Variants in CSMD1 observed in about 807,000 individuals in gnomAD.
CSMD1 encodes the protein CUB and Sushi multiple domains 1.
In CSMD1, 213 loss-of-function variants were observed where a neutral mutation model predicts 417.5. The observed-to-expected ratio is 0.51, with a 90% CI of 0.46 to 0.57. The LOEUF (loss-of-function observed/expected upper bound fraction) is 0.57, where lower values mean the gene tolerates loss of function less well. Among genes scored for constraint, CSMD1 ranks in the 20% least tolerant of loss-of-function variants. The probability of loss-of-function intolerance (pLI) is 0.00; values close to 1 mark genes in which losing one functional copy is unlikely to be tolerated. For missense variants in CSMD1, 6,923 were observed against 4,529.7 expected, an observed-to-expected ratio of 1.53 and a Z score of -15.17; for synonymous variants, 2,862 against 1,736.8, an observed-to-expected ratio of 1.65 and a Z score of -16.11.
chr8:4,920,979 AAAC>A (rs1158226787), intron 1 of CSMD1, among the ~76,000 whole-genome samples: 9,596 of 17,706 alleles, frequency 0.54, 1,786 homozygotes, highest in South Asian at 0.61. Context: ...AGAAAGAAAG[AAAC>A]AAAGAAAGAA....
At chr8:3,727,187 T>C (rs924310242) in intron 6 of CSMD1, among the ~76,000 whole-genome samples, 2 of 152,264 alleles carry the variant, frequency 1.3e-5, no homozygotes, top group African/African-American at 4.8e-5. Context: ...GCAATGTGAA[T>C]GTTTAATTTT....
chr8:3,250,520 C>T (rs371719635), intron 26 of CSMD1, among the ~76,000 whole-genome samples: 123 of 152,280 alleles, frequency 8.1e-4, no homozygotes, highest in East Asian at 5.2e-3. Flanking sequence ...AATAAACATA[C>T]GTATGAATGG....
intron 3 of CSMD1, among the ~76,000 whole-genome samples, chr8:4,038,357 C>T (rs941706626): frequency 2.0e-5 from 3 of 152,002 alleles, no homozygotes; most frequent in African/African-American, 7.2e-5. Context: ...ACTAAAAAAT[C>T]AAAAAAACTT....
intron 18 of CSMD1, among the ~76,000 whole-genome samples, chr8:3,376,060 G>A (rs1331761942): frequency 6.6e-6 from 1 of 151,910 alleles, no homozygotes; most frequent in Admixed American, 6.6e-5. Context: ...TTCATTGTGT[G>A]ATTTTTAAAA....
chr8:4,081,241 A>C (rs60739088), intron 3 of CSMD1, among the ~76,000 whole-genome samples: 1 of 152,126 alleles, frequency 6.6e-6, no homozygotes, highest in Admixed American at 6.5e-5. Flanking sequence ...GTCTCAGACA[A>C]GCATTGTGGT....
At chr8:3,326,087 A>C (rs1233989683) in intron 23 of CSMD1, among the ~76,000 whole-genome samples, 1 of 152,196 alleles carries the variant, frequency 6.6e-6, no homozygotes, top group East Asian at 1.9e-4. Flanking sequence ...ATCTCCCATT[A>C]CAGCCACAGA....
At chr8:4,360,834 C>G (rs1801715844) in intron 3 of CSMD1, among the ~76,000 whole-genome samples, 1 of 151,892 alleles carries the variant, frequency 6.6e-6, no homozygotes, top group Admixed American at 6.6e-5. Context: ...CACAATTAAT[C>G]ACGGAGCTTC....
At chr8:3,283,116 G>C (rs1199080631) in intron 26 of CSMD1, among the ~76,000 whole-genome samples, 2 of 152,062 alleles carry the variant, frequency 1.3e-5, no homozygotes, top group East Asian at 1.9e-4. Flanking sequence ...GTGCAGATGT[G>C]GTTTCACACT....
At chr8:4,129,542 T>G (rs1265320887) in intron 3 of CSMD1, among the ~76,000 whole-genome samples, 2 of 151,800 alleles carry the variant, frequency 1.3e-5, no homozygotes, top group Non-Finnish European at 2.9e-5. Context: ...ATTTTGAGAT[T>G]GGATTCCATC....
At chr8:3,714,774 G>C (rs1397738713) in intron 6 of CSMD1, among the ~76,000 whole-genome samples, 1 of 151,694 alleles carries the variant, frequency 6.6e-6, no homozygotes, top group Non-Finnish European at 1.5e-5. Flanking sequence ...TTTTTTAATG[G>C]CTTATTGGTT....
At chr8:4,025,715 G>C (rs1240776168) in intron 4 of CSMD1, among the ~76,000 whole-genome samples, 1 of 152,100 alleles carries the variant, frequency 6.6e-6, no homozygotes, top group Non-Finnish European at 1.5e-5. Flanking sequence ...TACCTCTCAA[G>C]AAAAATGAAT....
At chr8:3,756,812 T>C (rs1345797392) in intron 5 of CSMD1, among the ~76,000 whole-genome samples, 1 of 152,100 alleles carries the variant, frequency 6.6e-6, no homozygotes, top group Non-Finnish European at 1.5e-5. Context: ...TTTTTTTTTC[T>C]TGAGACAGTG....
chr8:4,608,608 G>T (rs1419945923), intron 2 of CSMD1, among the ~76,000 whole-genome samples: 2 of 152,174 alleles, frequency 1.3e-5, no homozygotes, highest in Admixed American at 6.5e-5. Context: ...TACTACAAAT[G>T]CGTCATTTTC....
intron 7 of CSMD1, among the ~76,000 whole-genome samples, chr8:3,683,792 TTTGTG>T (rs1252736223): frequency 6.6e-6 from 1 of 152,166 alleles, no homozygotes; most frequent in Non-Finnish European, 1.5e-5. Flanking sequence ...CCACATCTGC[TTTGTG>T]TTAACTTGAT....
In CSMD1 at chr8:4,227,116, G is replaced by A. The variant is rs151311317; in HGVS notation, c.415+192837C>T. Among the ~76,000 whole-genome samples the A allele has an allele frequency of 3.4e-3, 519 of 152,156 alleles. 1 individual carries two copies. The highest frequency in any genetic ancestry group is 6.2e-3 in the Non-Finnish European group (422 of 67,998). ...TGAGGTCTTTTCTGGGAAGGAAATC[G>A]CCCCCAAGAGAAGGGTTTTTTAGCC... On this transcript the variant is annotated intron_variant, in intron 3 of 69. Coordinates refer to ENST00000635120, the MANE Select transcript of CSMD1 (RefSeq NM_033225.6).
chr8:3,535,217 C>T (rs1182955687), intron 10 of CSMD1, among the ~76,000 whole-genome samples: 1 of 152,066 alleles, frequency 6.6e-6, no homozygotes, highest in Non-Finnish European at 1.5e-5. Context: ...GCCTCCCAAG[C>T]TCTAGGATTA....
chr8:4,488,351 G>C (rs1047322910), intron 2 of CSMD1, among the ~76,000 whole-genome samples: 6 of 151,992 alleles, frequency 3.9e-5, no homozygotes, highest in African/African-American at 1.5e-4. Context: ...AGTGTATTCT[G>C]AACACTTGAC....
intron 2 of CSMD1, among the ~76,000 whole-genome samples, chr8:4,542,663 C>T (rs1797444567): frequency 6.6e-6 from 1 of 152,072 alleles, no homozygotes; most frequent in Admixed American, 6.5e-5. Context: ...ACTATATCAC[C>T]ACTGTATCTT....
At chr8:4,292,946 ACC>A (rs1431968480) in intron 3 of CSMD1, among the ~76,000 whole-genome samples, 1 of 152,196 alleles carries the variant, frequency 6.6e-6, no homozygotes, top group Non-Finnish European at 1.5e-5. Context: ...CCAACAAGGG[ACC>A]CACAAAGCAC....
Sources: gnomAD v4.1 joint callset for allele counts (sites outside exome capture counted in the v4.1 genomes callset) on GRCh38, gnomAD v4.1.1 for gene constraint, MANE v1.5 for transcripts, NCBI Gene and HGNC (gene_info 2026-07-23, HGNC 2026-07-21) for gene names.